OCA2: variants seen among roughly 807,000 people sequenced by gnomAD.
OCA2 encodes the protein P protein.
In OCA2, 77 loss-of-function variants were observed where a neutral mutation model predicts 100.2. The observed-to-expected ratio is 0.77, with a 90% confidence interval of 0.64 to 0.93. The LOEUF (loss-of-function observed/expected upper bound fraction) is 0.93. OCA2 is among the 40% of genes least tolerant of loss of function. The probability of loss-of-function intolerance (pLI) is 0.00; values close to 1 mark genes in which losing one functional copy is unlikely to be tolerated. For missense variants in OCA2, 1,062 were observed against 1,089.1 expected (o/e 0.98, Z 0.35); for synonymous variants, 432 against 439.2 (o/e 0.98, Z 0.21).
chr15:27,984,805 A>G (rs1017079487), intron 13 of OCA2, among the ~76,000 whole-genome samples: 9 of 152,150 alleles, frequency 5.9e-5, no homozygotes, highest in African/African-American at 2.2e-4. Flanking sequence ...TGAGACCACA[A>G]TCTCCAGGAA....
the OCA2 span, among the ~76,000 whole-genome samples, chr15:27,736,032 TAGTG>T: frequency 5.9e-5 from 9 of 152,182 alleles, no homozygotes; most frequent in Admixed American, 4.6e-4. Context: ...ATATGGTAAT[TAGTG>T]AGGTTTAGTC....
At chr15:27,929,872 G>A (rs542356481) in intron 18 of OCA2, among the ~76,000 whole-genome samples, 125 of 151,228 alleles carry the variant, frequency 8.3e-4, no homozygotes, top group Non-Finnish European at 1.2e-3. Context: ...ATTGACAAAT[G>A]ATTACATGAA....
intron 23 of OCA2, among the ~76,000 whole-genome samples, chr15:27,831,200 C>A (rs2034935766): frequency 1.4e-5 from 2 of 144,930 alleles, no homozygotes. Context: ...GCAGGAGAAT[C>A]GCTTGAACCA....
At chr15:27,910,384 C>T (rs2703932) in intron 19 of OCA2, among the ~76,000 whole-genome samples, 8,246 of 152,076 alleles carry the variant, frequency 0.054, 767 homozygotes, top group African/African-American at 0.19. Context: ...AAATATTCAC[C>T]GTAGTGTTGT....
At chr15:27,999,978 T>C (rs1381877043) in intron 9 of OCA2, among the ~76,000 whole-genome samples, 1 of 152,134 alleles carries the variant, frequency 6.6e-6, no homozygotes, top group Non-Finnish European at 1.5e-5. Context: ...TACAAATAAA[T>C]GGAAAGATAT....
chr15:27,945,359 G>C (rs183536860), intron 18 of OCA2, among the ~76,000 whole-genome samples: 11 of 152,308 alleles, frequency 7.2e-5, no homozygotes, highest in Non-Finnish European at 1.5e-4. Flanking sequence ...CTCTGTGTGT[G>C]GCTGAAATCG....
intron 23 of OCA2, among the ~76,000 whole-genome samples, chr15:27,763,404 A>T (rs559052713): frequency 6.6e-6 from 1 of 152,346 alleles, no homozygotes; most frequent in Admixed American, 6.5e-5. Context: ...CAGTCAAAGG[A>T]TTCTTATCTA....
At chr15:27,921,290 C>A (rs1282020332) in intron 19 of OCA2, among the ~76,000 whole-genome samples, 1 of 151,762 alleles carries the variant, frequency 6.6e-6, no homozygotes, top group African/African-American at 2.4e-5. Flanking sequence ...GACCCGAAGT[C>A]AGAATGACAG....
At chr15:27,947,482 T>C (rs948328815) in intron 18 of OCA2, among the ~76,000 whole-genome samples, 1 of 152,108 alleles carries the variant, frequency 6.6e-6, no homozygotes, top group Non-Finnish European at 1.5e-5. Flanking sequence ...CCCTCAGGGC[T>C]CTCCTCTCTG....
intron 1 of OCA2, among the ~76,000 whole-genome samples, chr15:28,086,985 A>T (rs1056407635): frequency 1.3e-5 from 2 of 152,224 alleles, no homozygotes; most frequent in African/African-American, 2.4e-5. Context: ...TGCCAGAAGA[A>T]GATGATGAAG....
At chr15:27,844,900 T>C in intron 23 of OCA2, 59 bp downstream of exon 23, 1 of 1,220,082 alleles carries the variant, frequency 8.2e-7, no homozygotes, top group Non-Finnish European at 1.2e-6. Flanking sequence ...ATTTTTTTAA[T>C]TAAGTAAGCT....
At chr15:27,891,800 G>T (rs2037472714) in intron 19 of OCA2, among the ~76,000 whole-genome samples, 1 of 152,098 alleles carries the variant, frequency 6.6e-6, no homozygotes, top group Non-Finnish European at 1.5e-5. Context: ...TACCTTAAAT[G>T]TAAATTTTCT....
intron 2 of OCA2, among the ~76,000 whole-genome samples, chr15:28,033,103 TA>T (rs1311479722): frequency 1.3e-5 from 2 of 152,240 alleles, no homozygotes; most frequent in African/African-American, 2.4e-5. Flanking sequence ...ATGTATCATT[TA>T]AATCAGGAGC....
chr15:27,773,599 C>A (rs1165660517), intron 23 of OCA2, among the ~76,000 whole-genome samples: 2 of 152,162 alleles, frequency 1.3e-5, no homozygotes, highest in Non-Finnish European at 2.9e-5. Context: ...CTCAGCTAAT[C>A]CTCACGATAA....
At chr15:27,938,064 G>A (rs1272074530) in intron 18 of OCA2, among the ~76,000 whole-genome samples, 1 of 152,170 alleles carries the variant, frequency 6.6e-6, no homozygotes, top group Non-Finnish European at 1.5e-5. Context: ...AGGTATGTTG[G>A]TAAGTTATTG....
At chr15:27,951,736 C>T (rs1365424456) in intron 18 of OCA2, 48 bp downstream of exon 18, 1 of 1,316,666 alleles carries the variant, frequency 7.6e-7, no homozygotes, top group Non-Finnish European at 1.1e-6. Flanking sequence ...GAAACCTTCC[C>T]ATCCAGAATG....
intron 22 of OCA2, among the ~76,000 whole-genome samples, chr15:27,846,714 G>T (rs1030777359): frequency 2.6e-5 from 4 of 152,114 alleles, no homozygotes; most frequent in Non-Finnish European, 5.9e-5. Flanking sequence ...GGTTGCCAAG[G>T]TGAACTGCTC....
chr15:27,950,687 G>A lies in OCA2; in HGVS notation c.1951+1097C>T, dbSNP rs1319459137. The A allele has an allele frequency of 4.2e-5, 13 of 306,116 alleles. No individual in the cohort carries two copies. The Middle Eastern group carries it at 2.9e-3, about 68-fold the overall frequency. The allele number at this position is 306,116 out of a possible 1,614,324, so 19.0% of individuals were successfully genotyped here. ...GTGTTGTGTGAGAATCTAGAAATGC[G>A]GCTTTTTTACATAAGAGAAAAGGAA... On this transcript the variant is annotated intron_variant, in intron 18 of 23. Coordinates refer to ENST00000354638, the MANE Select transcript of OCA2 (RefSeq NM_000275.3).
intron 2 of OCA2, among the ~76,000 whole-genome samples, chr15:28,077,193 G>A (rs1287878175): frequency 2.0e-5 from 3 of 151,886 alleles, no homozygotes; most frequent in Admixed American, 2.0e-4. Flanking sequence ...CAGAGTAGCT[G>A]GGATTATAGG....
Sources: allele counts gnomAD v4.1 joint callset (sites outside exome capture counted in the v4.1 genomes callset), GRCh38; gene constraint gnomAD v4.1.1; transcripts MANE v1.5; gene names NCBI Gene and HGNC (gene_info 2026-07-23, HGNC 2026-07-21).